DGKZ: variants seen among roughly 807,000 people sequenced by gnomAD.
The protein encoded by DGKZ is diacylglycerol kinase zeta.
A neutral mutation model predicts 142.5 loss-of-function variants in DGKZ; 45 were observed. That is an observed-to-expected ratio of 0.32 (90% CI 0.25 to 0.40). DGKZ has a LOEUF of 0.40. Among genes scored for constraint, DGKZ ranks in the 10% least tolerant of loss-of-function variants. The pLI, the probability that DGKZ is intolerant of heterozygous loss-of-function variation, is 1.00. For synonymous variants in DGKZ, 442 were observed against 527.0 expected (o/e 0.84, Z 2.21); for missense variants, 755 against 1,306.5 (o/e 0.58, Z 6.51).
intron 1 of DGKZ, among the ~76,000 whole-genome samples, chr11:46,357,189 T>C (rs1294157851): frequency 6.6e-6 from 1 of 152,074 alleles, no homozygotes; most frequent in Non-Finnish European, 1.5e-5. Flanking sequence ...ACTGGGGGTA[T>C]TTCACCAAGG....
At chr11:46,333,228 C>T in exon 1 of DGKZ, 4 of 1,237,782 alleles carry the variant, frequency 3.2e-6, no homozygotes, top group South Asian at 3.4e-5. Flanking sequence ...CGAACTTGAG[C>T]GGGTGCCCGA....
intron 1 of DGKZ, among the ~76,000 whole-genome samples, chr11:46,352,319 C>T (rs900219492): frequency 2.9e-4 from 44 of 152,332 alleles, no homozygotes; most frequent in African/African-American, 1.0e-3. Context: ...CGACAGCTGC[C>T]GTTGTGGGAG....
At chr11:46,376,295 C>G (rs1452861731) in intron 22 of DGKZ, 33 bp from the exon 23 acceptor site, 5 of 1,613,308 alleles carry the variant, frequency 3.1e-6, no homozygotes, top group Non-Finnish European at 4.2e-6. Context: ...GGCCCCCACT[C>G]TATCCCAGCC....
intron 1 of DGKZ, chr11:46,364,706 T>C (rs1316231730): frequency 1.0e-6 from 1 of 985,440 alleles, no homozygotes; most frequent in Non-Finnish European, 1.2e-6. Context: ...AAGGAGAAGG[T>C]GCTAGACGTG....
rs1940871979 is a variant in DGKZ, at chr11:46,347,969, T to C, written c.161+149T>C. The C allele has an allele frequency of 2.5e-6, 3 of 1,188,682 alleles. No individual in the cohort carries two copies. Among genetic ancestry groups the C allele is most frequent in the Non-Finnish European group, 3.2e-6 (3 of 937,334 alleles). 73.6% of individuals were successfully genotyped at this position (1,188,682 alleles called of 1,614,324 possible). ...GCTGGCACCGGCGGCACGAGCCGTC[T>C]TGGCGTGGGCACCCACTGGGAGTCA... On this transcript the variant is annotated intron_variant, in intron 1 of 30. Transcript: ENST00000527911. This position sits in a 1 kb window ranked among gnomAD's most constrained non-coding sequence, Gnocchi z 6.4.
chr11:46,366,508 C>T (rs552229215), intron 1 of DGKZ: 3 of 1,588,018 alleles, frequency 1.9e-6, no homozygotes, highest in Admixed American at 3.5e-5. Context: ...CCTGCAACCC[C>T]CGCTTCATCG....
rs894294749 is a variant in DGKZ at position 46,367,262 on chromosome 11, C to A, written c.162-29C>A. The A allele has an allele frequency of 1.9e-6, 3 of 1,587,374 alleles. No individual in the cohort carries two copies. Among genetic ancestry groups the A allele is most frequent in the African/African-American group, 2.7e-5 (2 of 74,318 alleles). On this transcript the variant is annotated intron_variant, in intron 1 of 30. Coordinates refer to ENST00000527911, the Ensembl canonical transcript of DGKZ. The surrounding 1 kb of genome is among the most constrained non-coding windows in gnomAD (Gnocchi z 4.1). ...GAAGTAGGGTCAGCAAGTGCTCAGCCCCCTCCTCAGCTGTCTTCTCCTCTC... is the reference window on the plus strand; with the variant it reads ...GAAGTAGGGTCAGCAAGTGCTCAGCACCCTCCTCAGCTGTCTTCTCCTCTC...
At chr11:46,345,216 T>G (rs980070588), upstream of DGKZ, 1 of 1,310,662 alleles carries the variant, frequency 7.6e-7, no homozygotes, top group African/African-American at 1.6e-5. The surrounding 1 kb of genome is among the most constrained non-coding windows in gnomAD (Gnocchi z 4.1). Flanking sequence ...TGGCTGCTGG[T>G]CTGGGCTTGT....
chr11:46,378,803 G>C, intron 27 of DGKZ, 188 bp from the exon 28 acceptor site: 1 of 1,018,184 alleles, frequency 9.8e-7, no homozygotes, highest in East Asian at 2.6e-5. Context: ...GAGCCCACAG[G>C]CTGTGGGGTG....
chr11:46,337,763 G>A (rs970182759), intron 1 of DGKZ, among the ~76,000 whole-genome samples: 3 of 151,390 alleles, frequency 2.0e-5, no homozygotes, highest in Non-Finnish European at 4.4e-5. Flanking sequence ...AGAGAAAAGG[G>A]CAGGGCAGGA....
At chr11:46,376,707 A>C in intron 24 of DGKZ, 143 bp downstream of exon 24, 1 of 1,150,742 alleles carries the variant, frequency 8.7e-7, no homozygotes, top group African/African-American at 1.5e-5. Context: ...GCCTGTGTGC[A>C]TGGACAGCGT....
chr11:46,372,793 T>C lies in DGKZ; in HGVS notation c.1094T>C (p.Leu365Pro). ...CAGGTGGGCTGGATCCTCTCCACCC[T>C]GGACCAGCTACGCCTGAAGCCGCCA... The change falls in exon 13 of 31, where the codon CTG (leucine) becomes CCG (proline). Residue 365 changes from leucine to proline, a missense_variant. Physicochemically the swap from Leu to Pro is moderately conservative, Grantham distance 98. Coordinates refer to ENST00000527911, the Ensembl canonical transcript of DGKZ. This position sits in a 1 kb window ranked among gnomAD's most constrained non-coding sequence, Gnocchi z 5.9. 1.2e-6 allele frequency: 2 copies of C among 1,605,316 alleles called. No individual in the cohort carries two copies. The highest frequency in any genetic ancestry group is 2.3e-5 in the East Asian group (1 of 44,390).
chr11:46,377,762 A>T (rs2136514605), intron 25 of DGKZ: 1 of 250,862 alleles, frequency 4.0e-6, no homozygotes, highest in Non-Finnish European at 7.7e-6. Context: ...TGGTTCTTTG[A>T]GGCATCAGGT....
At position 46,367,422 on chromosome 11, in the gene DGKZ, GTC is replaced by G; in HGVS notation, c.270+24_270+25del. 1.9e-6 allele frequency: 3 copies of G among 1,608,964 alleles called. No homozygotes were observed. The South Asian group carries it at 3.3e-5, about 18-fold the overall frequency. On this transcript the variant is annotated intron_variant, in intron 2 of 30. Transcript: ENST00000527911. This position sits in a 1 kb window ranked among gnomAD's most constrained non-coding sequence, Gnocchi z 4.1. ...AGCGTGAGTGCCTGAACACCCCTGGGTCCCAGACCCTCTGGGCTCTTGGCCAA... is the reference window on the plus strand; with the variant it reads ...AGCGTGAGTGCCTGAACACCCCTGGGCCAGACCCTCTGGGCTCTTGGCCAA...
At chr11:46,340,557 C>A (rs1940230268) in intron 1 of DGKZ, among the ~76,000 whole-genome samples, 1 of 152,238 alleles carries the variant, frequency 6.6e-6, no homozygotes, top group South Asian at 2.1e-4. Context: ...CAGTGCTGTG[C>A]CTGCAGCTCT....
intron 1 of DGKZ, chr11:46,364,730 ACTC>A: frequency 1.0e-6 from 1 of 985,274 alleles, no homozygotes; most frequent in Non-Finnish European, 1.2e-6. Context: ...CCTGGGCCTG[ACTC>A]CTCCAGCCCT....
chr11:46,355,730 G>A (rs1218711013), intron 1 of DGKZ, among the ~76,000 whole-genome samples: 1 of 152,048 alleles, frequency 6.6e-6, no homozygotes, highest in Non-Finnish European at 1.5e-5. Context: ...AAAGTTGAGG[G>A]GGGAGGTGTT....
intron 1 of DGKZ, among the ~76,000 whole-genome samples, chr11:46,356,363 T>C (rs1942025455): frequency 6.6e-6 from 1 of 152,180 alleles, no homozygotes; most frequent in Non-Finnish European, 1.5e-5. Context: ...AAGCCTGTGC[T>C]GTCAGCGGGA....
intron 21 of DGKZ, 40 bp from the exon 22 acceptor site, chr11:46,376,026 T>C (rs748973611): frequency 6.2e-7 from 1 of 1,611,892 alleles, no homozygotes; most frequent in South Asian, 1.1e-5. Flanking sequence ...GGCAGGGCTG[T>C]GGGGTGCAGC....
Sources: allele counts gnomAD v4.1 joint callset (sites outside exome capture counted in the v4.1 genomes callset), GRCh38; gene constraint gnomAD v4.1.1; non-coding constraint Gnocchi (gnomAD v3.1); transcripts MANE v1.5; gene names NCBI Gene and HGNC (gene_info 2026-07-23, HGNC 2026-07-21).